NAP1L1: variants seen among roughly 807,000 people sequenced by gnomAD.
NAP1L1 encodes nucleosome assembly protein 1 like 1, also known as nucleosome assembly protein 1-like 1.
A neutral mutation model predicts 58.9 loss-of-function variants in NAP1L1; 9 were observed. The observed-to-expected ratio is 0.15, with a 90% CI of 0.09 to 0.27. The LOEUF is 0.27. Among genes scored for constraint, NAP1L1 ranks in the 10% least tolerant of loss-of-function variants. NAP1L1 has a pLI of 1.00. For missense variants in NAP1L1, 302 were observed against 458.8 expected, an observed-to-expected ratio of 0.66 and a Z score of 3.12; for synonymous variants, 130 against 138.3, an observed-to-expected ratio of 0.94 and a Z score of 0.42.
At chr12:76,060,066 T>C (rs1949336556) in intron 5 of NAP1L1, 72 bp downstream of exon 5, 2 of 1,505,648 alleles carry the variant, frequency 1.3e-6, no homozygotes, top group Non-Finnish European at 1.8e-6. Context: ...ATTAACCTCT[T>C]CCAAGTCTGC....
chr12:76,073,697 CAAAGA>C (rs1389359555), intron 2 of NAP1L1: 3 of 152,310 alleles, frequency 2.0e-5, no homozygotes, highest in African/African-American at 7.2e-5. Flanking sequence ...TGAAGGAAAG[CAAAGA>C]AAAGAATTAG....
chr12:76,083,483 A>AT (rs1344596511), intron 1 of NAP1L1, among the ~76,000 whole-genome samples: 3 of 151,362 alleles, frequency 2.0e-5, no homozygotes, highest in Admixed American at 6.6e-5. Flanking sequence ...CAAAAAAAAA[A>AT]AAAAAAAAAA....
intron 6 of NAP1L1, among the ~76,000 whole-genome samples, chr12:76,058,346 G>T (rs1949232838): frequency 6.7e-6 from 1 of 150,240 alleles, no homozygotes; most frequent in Non-Finnish European, 1.5e-5. Flanking sequence ...GCTCATACAT[G>T]AACAGAATTT....
At chr12:76,066,113 T>A (rs1592666727) in intron 4 of NAP1L1, among the ~76,000 whole-genome samples, 1 of 71,622 alleles carries the variant, frequency 1.4e-5, no homozygotes, top group African/African-American at 7.1e-5. Context: ...AATAAATAAA[T>A]AAATAAATAA....
intron 1 of NAP1L1, among the ~76,000 whole-genome samples, chr12:76,083,294 A>G (rs954558033): frequency 6.6e-6 from 1 of 152,206 alleles, no homozygotes; most frequent in Admixed American, 6.5e-5. Context: ...AGTGACTTCA[A>G]TAAAGGAACT....
intron 3 of NAP1L1, among the ~76,000 whole-genome samples, chr12:76,067,923 C>T (rs1949756746): frequency 1.3e-5 from 2 of 152,128 alleles, no homozygotes; most frequent in African/African-American, 4.8e-5. Context: ...ATGTTTGATG[C>T]TTGTGTAATG....
At chr12:76,081,475 C>T (rs552940378) in intron 1 of NAP1L1, among the ~76,000 whole-genome samples, 191 of 152,226 alleles carry the variant, frequency 1.3e-3, no homozygotes, top group African/African-American at 4.4e-3. Flanking sequence ...GTGGCTCACA[C>T]CCATACACTC....
At chr12:76,075,323 G>A (rs1165614561) in intron 1 of NAP1L1, among the ~76,000 whole-genome samples, 2 of 152,012 alleles carry the variant, frequency 1.3e-5, no homozygotes, top group East Asian at 1.9e-4. Flanking sequence ...AAAAAATTAT[G>A]AATAAATAGA....
intron 1 of NAP1L1, among the ~76,000 whole-genome samples, chr12:76,079,684 A>AT (rs202002589): frequency 0.2 from 28,466 of 140,618 alleles, 3,064 homozygotes; most frequent in South Asian, 0.34. Context: ...GCTTGAAGGC[A>AT]TTTTTTTTTT....
intron 2 of NAP1L1, among the ~76,000 whole-genome samples, chr12:76,072,715 G>A (rs558300210): frequency 6.6e-6 from 1 of 152,246 alleles, no homozygotes; most frequent in South Asian, 2.1e-4. Context: ...CAAATGGTTA[G>A]TTACAATGAC....
At chr12:76,061,089 T>C (rs762212711) in intron 4 of NAP1L1, 13 of 418,002 alleles carry the variant, frequency 3.1e-5, no homozygotes, top group South Asian at 2.1e-4. Context: ...AATGAGACCC[T>C]GTCTCAAAAA....
intron 2 of NAP1L1, 199 bp downstream of exon 2, chr12:76,074,004 G>C (rs1442753295): frequency 4.2e-6 from 2 of 481,174 alleles, no homozygotes; most frequent in East Asian, 7.1e-5. Context: ...CGATGGTTTC[G>C]AATATATGAT....
intron 6 of NAP1L1, among the ~76,000 whole-genome samples, chr12:76,058,520 G>A (rs1949246928): frequency 6.6e-6 from 1 of 151,642 alleles, no homozygotes; most frequent in African/African-American, 2.4e-5. Flanking sequence ...CCGAGTAGGT[G>A]GGATTAGAGG....
intron 1 of NAP1L1, among the ~76,000 whole-genome samples, chr12:76,083,054 G>T (rs186437013): frequency 6.6e-6 from 1 of 152,030 alleles, no homozygotes; most frequent in African/African-American, 2.4e-5. Context: ...TCTAAAATAC[G>T]GGCTCCTTGA....
rs573266531 is a variant in NAP1L1, at chr12:76,046,761, C to T, written c.*1668G>A. The T allele has an allele frequency of 2.0e-5, 3 of 152,538 alleles. No individual in the cohort carries two copies. In the South Asian group the frequency reaches 6.2e-4, roughly 32 times the overall value. 9.4% of individuals were successfully genotyped at this position (152,538 alleles called of 1,614,324 possible). ...CCTCTAATGACAATCCAATAATCCACCCTCACTGTCAAAAAAAAGTTCAAC... is the reference window on the plus strand; with the variant it reads ...CCTCTAATGACAATCCAATAATCCATCCTCACTGTCAAAAAAAAGTTCAAC... On this transcript the variant is annotated 3_prime_UTR_variant, in exon 15 of 15. Coordinates refer to ENST00000618691, the MANE Select transcript of NAP1L1 (RefSeq NM_004537.7).
At position 76,074,212 on chromosome 12, in the gene NAP1L1, T is replaced by C. The variant is rs1171644482; in HGVS notation, c.8A>G (p.Asp3Gly). 6.2e-7 allele frequency: 1 copy of C among 1,601,948 alleles called. No homozygotes were observed. The highest frequency in any genetic ancestry group is 1.7e-5 in the Admixed American group (1 of 58,328). MADIDNKEQSELD... is the reference protein window; with the variant it reads MAGIDNKEQSELD... Reference sequence around the variant, plus strand: ...ACTCTCTGCCACTTACTTGTCAATGTCTGCCATGTTGTAAGAACTCCAAAT... The same window carrying C: ...ACTCTCTGCCACTTACTTGTCAATGCCTGCCATGTTGTAAGAACTCCAAAT... The change falls in exon 2 of 15, where the codon GAC becomes GGC. Residue 3 changes from aspartate (D) to glycine (G), a missense_variant. Physicochemically the swap from Asp to Gly is moderately conservative, Grantham distance 94. Coordinates refer to ENST00000618691, the MANE Select transcript of NAP1L1 (RefSeq NM_004537.7).
chr12:76,049,886 G>A (rs1948740836), intron 12 of NAP1L1, 101 bp from the exon 13 acceptor site: 1 of 1,294,608 alleles, frequency 7.7e-7, no homozygotes, highest in Non-Finnish European at 1.1e-6. Flanking sequence ...TCTAAAAAGA[G>A]AAAACCTACT....
intron 7 of NAP1L1, 83 bp downstream of exon 7, chr12:76,055,950 C>T (rs957376389): frequency 5.0e-5 from 70 of 1,401,474 alleles, no homozygotes; most frequent in Non-Finnish European, 6.9e-5. Flanking sequence ...AAGATCAACA[C>T]TGAAGAGAAC....
At position 76,068,972 on chromosome 12, in the gene NAP1L1, G is replaced by C. The variant is rs138832974; in HGVS notation, c.40C>G (p.Gln14Glu). ...ACTTCTTCAACATCATCCAAATCTT[G>C]ATCAAGTTCAGACTGTTCTTTGCTA... ...IDNKEQSELD[Q>E]DLDDVEEVEE... Residue 14 changes from glutamine to glutamate, a missense_variant, in exon 3 of 15, where the codon CAA (glutamine) becomes GAA (glutamate). Coordinates refer to ENST00000618691, the MANE Select transcript of NAP1L1 (RefSeq NM_004537.7). 1.1e-4 allele frequency: 172 copies of C among 1,612,536 alleles called. No individual in the cohort carries two copies. Among genetic ancestry groups the C allele is most frequent in the Non-Finnish European group, 1.4e-4 (166 of 1,179,344 alleles).
Sources: allele counts gnomAD v4.1 joint callset (sites outside exome capture counted in the v4.1 genomes callset), GRCh38; gene constraint gnomAD v4.1.1; transcripts MANE v1.5; gene names NCBI Gene and HGNC (gene_info 2026-07-23, HGNC 2026-07-21).